TEX9: variants seen among roughly 807,000 people sequenced by gnomAD.
The protein encoded by TEX9 is testis expressed 9.
Under a neutral mutation model 59.6 loss-of-function variants are expected in TEX9, and 74 were observed. That is an observed-to-expected ratio of 1.24 (90% CI 1.03 to 1.51). The LOEUF is 1.51. Among genes scored for constraint, TEX9 ranks in the 40% most tolerant of loss-of-function variants. The probability of loss-of-function intolerance (pLI) is 0.00; values close to 1 mark genes in which losing one functional copy is unlikely to be tolerated. For missense variants in TEX9, 522 were observed against 447.8 expected (o/e 1.17, Z -1.49); for synonymous variants, 186 against 152.2 (o/e 1.22, Z -1.64).
Position 56,437,512 on chromosome 15 carries a change from C to G in TEX9, c.*30-8159C>G, listed in dbSNP as rs529575820. ...TGACAAACCCACAGCCAATATCATA[C>G]TGAATGGGCAAAAACTGGAAGCATT... On this transcript the variant is annotated intron_variant, in intron 12 of 12. Transcript: ENST00000352903. Among the ~76,000 whole-genome samples the G allele has an allele frequency of 9.5e-4, 145 of 152,236 alleles. 5 individuals carry two copies. In the South Asian group the frequency reaches 0.029, roughly 30 times the overall value.
At chr15:56,267,708 C>T (rs1315673409) in intron 1 of TEX9, among the ~76,000 whole-genome samples, 2 of 152,090 alleles carry the variant, frequency 1.3e-5, no homozygotes, top group Non-Finnish European at 2.9e-5. Context: ...GGTACCAGTA[C>T]CATGCTGTTT....
At chr15:56,278,832 G>A (rs1013512796) in intron 1 of TEX9, among the ~76,000 whole-genome samples, 20 of 150,478 alleles carry the variant, frequency 1.3e-4, no homozygotes, top group African/African-American at 3.7e-4. Context: ...CACTCAGTCC[G>A]TCCCTCTATC....
intron 1 of TEX9, among the ~76,000 whole-genome samples, chr15:56,301,565 T>C (rs2045361004): frequency 6.7e-6 from 1 of 148,554 alleles, no homozygotes; most frequent in Admixed American, 6.7e-5. Flanking sequence ...ATGAAGAACA[T>C]AAAAAAGAGC....
chr15:56,313,255 C>G (rs1266989709), intron 1 of TEX9, among the ~76,000 whole-genome samples: 2 of 69,484 alleles, frequency 2.9e-5, no homozygotes, highest in African/African-American at 4.8e-5. Flanking sequence ...CAGTTTTTGC[C>G]CATTCAGTAT....
At chr15:56,388,130 C>T (rs916760591) in intron 4 of TEX9, among the ~76,000 whole-genome samples, 5 of 151,898 alleles carry the variant, frequency 3.3e-5, no homozygotes, top group African/African-American at 9.7e-5. Flanking sequence ...ATTGAGTGGG[C>T]TTACAATAAA....
At chr15:56,374,367 C>T (rs1200498219) in intron 3 of TEX9, 2 of 151,966 alleles carry the variant, frequency 1.3e-5, no homozygotes, top group African/African-American at 2.4e-5. Flanking sequence ...TAAGGTTTCT[C>T]ATATTTAATT....
chr15:56,316,410 G>A lies in TEX9; in HGVS notation c.-106-57031G>A, dbSNP rs566418546. Among the ~76,000 whole-genome samples, 69 of 139,534 alleles carry A rather than the reference G, an allele frequency of 4.9e-4. 1 individual carries two copies. Among genetic ancestry groups the A allele is most frequent in the African/African-American group, 1.3e-3 (50 of 38,188 alleles). The allele number at this position is 139,534 out of a possible 152,430, so 91.5% of individuals were successfully genotyped here. On this transcript the variant is annotated intron_variant, in intron 1 of 5. Transcript: ENST00000560827. ...TGCAGGTCTGTTGGAGTACCCTGCC[G>A]TGTGAGGCGTCAGTGTGCCCCTGCT...
chr15:56,296,202 C>A (rs1259421044), intron 1 of TEX9, among the ~76,000 whole-genome samples: 1 of 152,174 alleles, frequency 6.6e-6, no homozygotes, highest in Non-Finnish European at 1.5e-5. Context: ...TTTTAAAATT[C>A]ACATAAATTA....
At chr15:56,250,450 C>T (rs2043988207) in intron 1 of TEX9, among the ~76,000 whole-genome samples, 1 of 151,998 alleles carries the variant, frequency 6.6e-6, no homozygotes, top group Non-Finnish European at 1.5e-5. Flanking sequence ...AACGAGCATG[C>T]AAATGACAAG....
At chr15:56,247,827 A>G (rs1490697245) in intron 1 of TEX9, among the ~76,000 whole-genome samples, 3 of 152,234 alleles carry the variant, frequency 2.0e-5, no homozygotes, top group Non-Finnish European at 4.4e-5. Context: ...TTCTTTCCCA[A>G]CTTGAATATA....
chr15:56,348,056 C>T (rs991966408), intron 1 of TEX9, among the ~76,000 whole-genome samples: 3 of 151,942 alleles, frequency 2.0e-5, no homozygotes, highest in African/African-American at 7.2e-5. Context: ...ATGTTCTGTA[C>T]CTTGTCTGTA....
At chr15:56,315,805 G>A (rs537244717) in intron 1 of TEX9, among the ~76,000 whole-genome samples, 1 of 147,374 alleles carries the variant, frequency 6.8e-6, no homozygotes, top group Non-Finnish European at 1.5e-5. Context: ...ATGTAGATTT[G>A]GTCTTTTCAC....
intron 1 of TEX9, among the ~76,000 whole-genome samples, chr15:56,317,089 A>G (rs1455791869): frequency 6.6e-6 from 1 of 152,106 alleles, no homozygotes; most frequent in East Asian, 1.9e-4. Flanking sequence ...CCTCAGATGG[A>G]AATGCGGAAA....
At chr15:56,309,484 A>G (rs556066027) in intron 1 of TEX9, among the ~76,000 whole-genome samples, 5 of 152,240 alleles carry the variant, frequency 3.3e-5, no homozygotes, top group African/African-American at 1.2e-4. Flanking sequence ...TGGTTGTAAC[A>G]TCCACATTCA....
At chr15:56,258,097 G>T (rs1354652675) in intron 1 of TEX9, among the ~76,000 whole-genome samples, 2 of 152,242 alleles carry the variant, frequency 1.3e-5, no homozygotes, top group East Asian at 3.9e-4. Context: ...TCAGATGGTT[G>T]TAAGTGTGTG....
chr15:56,309,297 CTG>C (rs1294957616), intron 1 of TEX9, among the ~76,000 whole-genome samples: 3 of 151,972 alleles, frequency 2.0e-5, no homozygotes, highest in Non-Finnish European at 2.9e-5. Context: ...TCCATTTTTT[CTG>C]TGTTTATTGA....
chr15:56,287,468 A>G (rs1326465785), intron 1 of TEX9, among the ~76,000 whole-genome samples: 1 of 152,208 alleles, frequency 6.6e-6, no homozygotes, highest in African/African-American at 2.4e-5. Context: ...TAATATATGT[A>G]TACATCATAG....
chr15:56,440,437 C>T (rs1418822477), intron 12 of TEX9, among the ~76,000 whole-genome samples: 1 of 152,134 alleles, frequency 6.6e-6, no homozygotes, highest in Non-Finnish European at 1.5e-5. Context: ...ATGCAGTTAC[C>T]ACAAAACCCA....
intron 9 of TEX9, among the ~76,000 whole-genome samples, chr15:56,407,804 C>A (rs1178820840): frequency 6.6e-6 from 1 of 152,110 alleles, no homozygotes; most frequent in Non-Finnish European, 1.5e-5. Context: ...ATTAAGGAAA[C>A]AGAATCAAAA....
Sources: allele counts gnomAD v4.1 joint callset (sites outside exome capture counted in the v4.1 genomes callset), GRCh38; gene constraint gnomAD v4.1.1; transcripts MANE v1.5; gene names NCBI Gene and HGNC (gene_info 2026-07-23, HGNC 2026-07-21).